The following CAB39 variants were observed in gnomAD, a reference collection of about 807,000 sequenced individuals.
CAB39 encodes the protein calcium-binding protein 39.
CAB39 carries 8 observed loss-of-function variants against 40.0 expected under a neutral mutation model. The observed-to-expected ratio is 0.20, with a 90% CI of 0.12 to 0.36. The LOEUF is 0.36. Ranked by LOEUF, CAB39 falls within the 10% of genes least tolerant of loss-of-function variation. CAB39 has a pLI of 1.00. For synonymous variants in CAB39, 156 were observed against 141.6 expected, an observed-to-expected ratio of 1.10 and a Z score of -0.72; for missense variants, 270 against 401.1, an observed-to-expected ratio of 0.67 and a Z score of 2.79.
intron 4 of CAB39, among the ~76,000 whole-genome samples, chr2:230,796,114 T>TAGGATGAC (rs1695982240): frequency 6.6e-6 from 1 of 152,202 alleles, no homozygotes; most frequent in African/African-American, 2.4e-5. Flanking sequence ...ACCATCTTGC[T>TAGGATGAC]CATTTTGTAC....
At chr2:230,741,478 T>C (rs1374872528) in intron 1 of CAB39, among the ~76,000 whole-genome samples, 1 of 152,210 alleles carries the variant, frequency 6.6e-6, no homozygotes, top group Non-Finnish European at 1.5e-5. Context: ...TGGCTTGGAC[T>C]GGGATAAGGT....
At chr2:230,808,687 A>AATTG (rs1696248600) in intron 5 of CAB39, among the ~76,000 whole-genome samples, 1 of 152,160 alleles carries the variant, frequency 6.6e-6, no homozygotes, top group African/African-American at 2.4e-5. Context: ...ATTTGGGAAA[A>AATTG]ATTGGGTAGG....
At chr2:230,797,610 G>A (rs999497752) in intron 4 of CAB39, among the ~76,000 whole-genome samples, 2 of 152,084 alleles carry the variant, frequency 1.3e-5, no homozygotes, top group African/African-American at 4.8e-5. Context: ...AAGTTGTCCA[G>A]AGGCAACAGA....
rs186730854 is a variant in CAB39, at chr2:230,782,238, A to G, written c.115-8634A>G. On this transcript the variant is annotated intron_variant, in intron 2 of 8. Coordinates refer to ENST00000258418, the MANE Select transcript of CAB39 (RefSeq NM_016289.4). Reference sequence around the variant, plus strand: ...ACTTGCTAAATTGCCTTCTCTTGTGAAACACTTATTAAAATTTTCTGATCA... The same window carrying G: ...ACTTGCTAAATTGCCTTCTCTTGTGGAACACTTATTAAAATTTTCTGATCA... Among the ~76,000 whole-genome samples the G allele has an allele frequency of 3.3e-5, 5 of 152,324 alleles. No individual in the cohort carries two copies. The East Asian group carries it at 9.6e-4, about 29-fold the overall frequency.
chr2:230,717,506 C>T (rs1033610839), intron 1 of CAB39, among the ~76,000 whole-genome samples: 3 of 152,172 alleles, frequency 2.0e-5, no homozygotes, highest in African/African-American at 7.2e-5. Flanking sequence ...CTCAACTCCC[C>T]TCATCTCTAC....
At chr2:230,715,833 C>T (rs982647486) in intron 1 of CAB39, among the ~76,000 whole-genome samples, 2 of 152,090 alleles carry the variant, frequency 1.3e-5, no homozygotes, top group East Asian at 1.9e-4. Flanking sequence ...CTCCTGTAGA[C>T]GGGACCACAG....
chr2:230,806,920 C>T (rs1696205627), intron 5 of CAB39, among the ~76,000 whole-genome samples: 1 of 152,162 alleles, frequency 6.6e-6, no homozygotes, highest in South Asian at 2.1e-4. Context: ...CTGTCTTAGT[C>T]ACATGATGTT....
At chr2:230,781,400 G>C (rs1695684189) in intron 2 of CAB39, among the ~76,000 whole-genome samples, 1 of 152,174 alleles carries the variant, frequency 6.6e-6, no homozygotes, top group Admixed American at 6.5e-5. Flanking sequence ...CGAATGACAT[G>C]GTGTATTGGT....
chr2:230,747,643 T>C (rs182491244), intron 1 of CAB39, among the ~76,000 whole-genome samples: 2 of 152,342 alleles, frequency 1.3e-5, no homozygotes, highest in Admixed American at 1.3e-4. Context: ...GGGGGAAAAT[T>C]AGCGCAAAAT....
intron 4 of CAB39, among the ~76,000 whole-genome samples, chr2:230,794,467 T>C (rs539752783): frequency 1.3e-5 from 2 of 152,370 alleles, no homozygotes; most frequent in South Asian, 4.1e-4. Flanking sequence ...TCCTTTTCCA[T>C]AGAAACCAAG....
intron 5 of CAB39, among the ~76,000 whole-genome samples, chr2:230,808,501 T>G (rs1696244770): frequency 6.6e-6 from 1 of 152,208 alleles, no homozygotes; most frequent in South Asian, 2.1e-4. Context: ...CTCATGTTCC[T>G]CTCTCTGCAT....
At chr2:230,795,020 TA>T (rs1695957542) in intron 4 of CAB39, among the ~76,000 whole-genome samples, 1 of 152,200 alleles carries the variant, frequency 6.6e-6, no homozygotes, top group Non-Finnish European at 1.5e-5. Context: ...CTCACGCCTG[TA>T]ATACCAGCAT....
At chr2:230,730,514 G>A (rs1343007531) in intron 1 of CAB39, among the ~76,000 whole-genome samples, 1 of 150,418 alleles carries the variant, frequency 6.6e-6, no homozygotes, top group African/African-American at 2.5e-5. Flanking sequence ...GTGCGACCTC[G>A]GCTCACTGCA....
intron 2 of CAB39, among the ~76,000 whole-genome samples, chr2:230,773,448 G>A (rs1378630833): frequency 2.0e-5 from 3 of 151,846 alleles, no homozygotes; most frequent in Non-Finnish European, 4.4e-5. Flanking sequence ...GGGCAGATGT[G>A]GCTTAGAAAC....
intron 5 of CAB39, among the ~76,000 whole-genome samples, chr2:230,801,953 T>C (rs1460591656): frequency 2.0e-5 from 3 of 152,070 alleles, no homozygotes; most frequent in Non-Finnish European, 4.4e-5. Context: ...GGCCAAATAT[T>C]TGTAAATTTT....
intron 2 of CAB39, among the ~76,000 whole-genome samples, chr2:230,782,787 CTG>C (rs1695709861): frequency 8.5e-6 from 1 of 117,126 alleles, no homozygotes; most frequent in Non-Finnish European, 1.8e-5. Context: ...AAACAGACTG[CTG>C]TTTCTTTCTT....
At chr2:230,782,004 A>G (rs1389584631) in intron 2 of CAB39, among the ~76,000 whole-genome samples, 2 of 152,208 alleles carry the variant, frequency 1.3e-5, no homozygotes, top group South Asian at 2.1e-4. Flanking sequence ...AGCCAGGGCT[A>G]CAGGCTCATG....
intron 1 of CAB39, among the ~76,000 whole-genome samples, chr2:230,714,231 G>T (rs1694308522): frequency 6.6e-6 from 1 of 152,176 alleles, no homozygotes; most frequent in South Asian, 2.1e-4. Flanking sequence ...GAAACTTAGA[G>T]CTCATTTCTC....
At chr2:230,789,914 T>A (rs924546845) in intron 2 of CAB39, among the ~76,000 whole-genome samples, 2 of 152,198 alleles carry the variant, frequency 1.3e-5, no homozygotes, top group Non-Finnish European at 2.9e-5. Flanking sequence ...ATCACTGTCC[T>A]GTACTGCCTG....
Sources: gnomAD v4.1 joint callset for allele counts (sites outside exome capture counted in the v4.1 genomes callset) on GRCh38, gnomAD v4.1.1 for gene constraint, MANE v1.5 for transcripts, NCBI Gene and HGNC (gene_info 2026-07-23, HGNC 2026-07-21) for gene names.